Variants in MSI2 observed in about 807,000 individuals in gnomAD.
MSI2 encodes RNA-binding protein Musashi homolog 2.
In MSI2, 17 loss-of-function variants were observed where a neutral mutation model predicts 45.6. The observed-to-expected ratio is 0.37, with a 90% CI of 0.26 to 0.56. The LOEUF (loss-of-function observed/expected upper bound fraction) is 0.56. Ranked by LOEUF, MSI2 falls within the 20% of genes least tolerant of loss-of-function variation. MSI2 has a pLI of 0.77. For synonymous variants in MSI2, 156 were observed against 158.2 expected (o/e 0.99, Z 0.11); for missense variants, 293 against 444.2 (o/e 0.66, Z 3.06).
chr17:57,533,388 A>G (rs2086860548), intron 7 of MSI2, among the ~76,000 whole-genome samples: 1 of 152,202 alleles, frequency 6.6e-6, no homozygotes, highest in African/African-American at 2.4e-5. Context: ...CTCCTTGCAG[A>G]TGGGCCTTCC....
At position 57,675,100 on chromosome 17, in the gene MSI2, G is replaced by A. The variant is rs771028959; in HGVS notation, c.919G>A (p.Gly307Ser). The A allele has an allele frequency of 2.4e-5, 38 of 1,613,704 alleles. No homozygotes were observed. Among genetic ancestry groups the A allele is most frequent in the Non-Finnish European group, 3.2e-5 (38 of 1,179,992 alleles). ...NYISAASPQPGSGFGHGIAGP... is the reference protein window; with the variant it reads ...NYISAASPQPSSGFGHGIAGP... Reference sequence around the variant, plus strand: ...CATAAGTGCGGCCAGCCCACAGCCGGGCTCGGGCTTCGGCCACGGCATAGC... The same window carrying A: ...CATAAGTGCGGCCAGCCCACAGCCGAGCTCGGGCTTCGGCCACGGCATAGC... Residue 307 changes from glycine to serine, a missense_variant, in exon 12 of 14, where the codon GGC becomes AGC. Physicochemically the swap from Gly to Ser is moderately conservative, Grantham distance 56. Transcript: ENST00000284073.
chr17:57,331,066 A>G (rs1914220994), intron 5 of MSI2, among the ~76,000 whole-genome samples: 1 of 151,944 alleles, frequency 6.6e-6, no homozygotes, highest in South Asian at 2.1e-4. Context: ...GGCACGCACC[A>G]CCATGCCCAG....
intron 5 of MSI2, among the ~76,000 whole-genome samples, chr17:57,381,329 G>A (rs555106346): frequency 1.9e-4 from 29 of 152,260 alleles, no homozygotes; most frequent in African/African-American, 6.5e-4. Context: ...GCCTCCCAGA[G>A]TGCGGGGATT....
chr17:57,389,472 TC>T (rs2083747930), intron 5 of MSI2, among the ~76,000 whole-genome samples: 2 of 152,184 alleles, frequency 1.3e-5, no homozygotes, highest in Admixed American at 1.3e-4. Context: ...TTCCTGGCTC[TC>T]CCCTGCTAAC....
At chr17:57,669,621 C>G (rs1912632707) in intron 11 of MSI2, among the ~76,000 whole-genome samples, 1 of 152,182 alleles carries the variant, frequency 6.6e-6, no homozygotes, top group African/African-American at 2.4e-5. Flanking sequence ...TTAAATTTCT[C>G]TGAAACAAAA....
chr17:57,583,488 C>CTTTTTTTTTTTTTTTTTTTTT (rs5821192), intron 7 of MSI2, among the ~76,000 whole-genome samples: 6 of 98,026 alleles, frequency 6.1e-5, no homozygotes, highest in East Asian at 3.5e-4. Context: ...CCCAATGTTT[C>CTTTTTTTTTTTTTTTTTTTTT]TTTTTTTTTT....
At chr17:57,391,384 G>C (rs8071589) in intron 5 of MSI2, among the ~76,000 whole-genome samples, 141,958 of 152,256 alleles carry the variant, frequency 0.93, 67,039 homozygotes, top group East Asian at 1. Flanking sequence ...GTGAGGCTCG[G>C]AACTGTTAGG....
intron 9 of MSI2, among the ~76,000 whole-genome samples, chr17:57,623,945 G>T (rs1252297161): frequency 6.6e-6 from 1 of 152,234 alleles, no homozygotes; most frequent in African/African-American, 2.4e-5. Flanking sequence ...GTGGAGATAA[G>T]ATCCCCCGCT....
chr17:57,639,642 C>T (rs1422694940), intron 10 of MSI2, among the ~76,000 whole-genome samples: 1 of 152,234 alleles, frequency 6.6e-6, no homozygotes, highest in Non-Finnish European at 1.5e-5. Flanking sequence ...GCCTCCTGTT[C>T]CTTCCACTGA....
chr17:57,332,137 G>C (rs1043239694), intron 5 of MSI2, among the ~76,000 whole-genome samples: 1 of 139,604 alleles, frequency 7.2e-6, no homozygotes, highest in Non-Finnish European at 1.5e-5. Flanking sequence ...GTCTCACTCT[G>C]TCACCCAGGC....
intron 6 of MSI2, among the ~76,000 whole-genome samples, chr17:57,513,883 A>C (rs892726471): frequency 1.3e-4 from 20 of 152,248 alleles, no homozygotes; most frequent in African/African-American, 4.8e-4. Context: ...AGAGCTGAGT[A>C]GTTGAGGAGC....
At chr17:57,564,357 G>A (rs927995993) in intron 7 of MSI2, among the ~76,000 whole-genome samples, 1 of 152,232 alleles carries the variant, frequency 6.6e-6, no homozygotes, top group Non-Finnish European at 1.5e-5. Context: ...TGTGCCCTTA[G>A]AGGGTTTTCT....
chr17:57,460,447 G>A (rs1337596885), intron 6 of MSI2, among the ~76,000 whole-genome samples: 1 of 151,976 alleles, frequency 6.6e-6, no homozygotes, highest in Admixed American at 6.6e-5. Context: ...AGGAAAGAGG[G>A]GAGGAAGGTA....
chr17:57,699,276 G>GGAGAGAGAGA, the MSI2 span, among the ~76,000 whole-genome samples: 2 of 135,818 alleles, frequency 1.5e-5, no homozygotes, highest in Non-Finnish European at 3.2e-5. Flanking sequence ...GAAGAGCCAG[G>GGAGAGAGAGA]GAGAGAGAGA....
intron 7 of MSI2, among the ~76,000 whole-genome samples, chr17:57,538,451 C>T (rs1278718224): frequency 1.3e-5 from 2 of 152,122 alleles, no homozygotes; most frequent in African/African-American, 4.8e-5. Flanking sequence ...GTTTCAGATC[C>T]CAGCTTTCCC....
At chr17:57,409,873 T>C (rs1469435713) in intron 6 of MSI2, among the ~76,000 whole-genome samples, 1 of 151,784 alleles carries the variant, frequency 6.6e-6, no homozygotes, top group Non-Finnish European at 1.5e-5. Flanking sequence ...CTGAGCGTGG[T>C]GGTGGGCACC....
rs1555632942 is a variant in MSI2, at chr17:57,618,072, A to AAATAATAGTAAT, written c.652+1995_652+1996insGTAATAATAATA. On this transcript the variant is annotated intron_variant, in intron 9 of 13. Coordinates refer to ENST00000284073, the MANE Select transcript of MSI2 (RefSeq NM_138962.4). ...GGTGACAGAGTGAGACTCTGTCTCA[A>AAATAATAGTAAT]AATAATAATAATAATAATAATAATA... The AAATAATAGTAAT allele has an allele frequency of 5.4e-5, 8 of 147,378 alleles. No individual in the cohort carries two copies. The South Asian group carries it at 8.9e-4, about 16-fold the overall frequency. The allele number at this position is 147,378 out of a possible 1,614,324, so 9.1% of individuals were successfully genotyped here.
chr17:57,600,301 A>G (rs974374996), intron 8 of MSI2, among the ~76,000 whole-genome samples: 3 of 152,222 alleles, frequency 2.0e-5, no homozygotes, highest in African/African-American at 7.2e-5. Context: ...TTTGGCAGGA[A>G]GTGGCAGATA....
intron 5 of MSI2, among the ~76,000 whole-genome samples, chr17:57,313,725 C>T (rs1038468274): frequency 6.6e-6 from 1 of 152,230 alleles, no homozygotes; most frequent in African/African-American, 2.4e-5. Context: ...TCATGTTTAT[C>T]AACGCCTTCT....
Sources: allele counts gnomAD v4.1 joint callset (sites outside exome capture counted in the v4.1 genomes callset), GRCh38; gene constraint gnomAD v4.1.1; transcripts MANE v1.5; gene names NCBI Gene and HGNC (gene_info 2026-07-23, HGNC 2026-07-21).